Variants in VMA22 observed in about 807,000 individuals in gnomAD.
VMA22 encodes vacuolar ATPase assembly factor VMA22.
At chr2:130,342,142 C>T in the VMA22 span, 2 of 1,612,782 alleles carry the variant, frequency 1.2e-6, no homozygotes, top group African/African-American at 2.7e-5. Context: ...ACCTCCAGAT[C>T]TGGAGCCACC....
chr2:130,339,167 G>A, the VMA22 span: 33 of 1,614,114 alleles, frequency 2.0e-5, no homozygotes, highest in Admixed American at 1.5e-4. Context: ...TGGAGTCCCC[G>A]GAGCTGGCTT....
At chr2:130,341,517 T>A in the VMA22 span, 1 of 649,004 alleles carries the variant, frequency 1.5e-6, no homozygotes, top group Non-Finnish European at 2.7e-6. Flanking sequence ...CCTATAAAAG[T>A]CTAAGGCAAA....
At chr2:130,342,171 C>A in the VMA22 span, 1 of 1,603,764 alleles carries the variant, frequency 6.2e-7, no homozygotes. Flanking sequence ...TGTCACCCTC[C>A]GCAGTTTGGC....
At chr2:130,339,630 GTC>G in the VMA22 span, 1 of 1,305,222 alleles carries the variant, frequency 7.7e-7, no homozygotes, top group Admixed American at 2.3e-5. Flanking sequence ...TTTTGCTGAT[GTC>G]TCTGCTGGAA....
the VMA22 span, chr2:130,342,516 G>T: frequency 4.2e-6 from 2 of 473,186 alleles, no homozygotes; most frequent in Admixed American, 7.5e-5. Flanking sequence ...ATTTGGAAAG[G>T]AGCCGGCAAG....
chr2:130,339,655 A>G, the VMA22 span: 2 of 1,304,996 alleles, frequency 1.5e-6, no homozygotes, highest in Non-Finnish European at 2.0e-6. Flanking sequence ...GCTGCTGCCC[A>G]GTCCTCCGGG....
the VMA22 span, chr2:130,339,641 A>G: frequency 9.2e-6 from 12 of 1,305,104 alleles, no homozygotes; most frequent in Admixed American, 9.2e-5. Context: ...TCTCTGCTGG[A>G]ACAGCTGCTG....
chr2:130,338,964 C>A, the VMA22 span: 1 of 618,534 alleles, frequency 1.6e-6, no homozygotes. Context: ...AAACTTCACA[C>A]CTAAGGAAAA....
the VMA22 span, chr2:130,339,501 C>G: frequency 1.8e-5 from 24 of 1,337,940 alleles, no homozygotes; most frequent in Non-Finnish European, 2.2e-5. Context: ...GATAGTAATA[C>G]CATTTCATGC....
the VMA22 span, chr2:130,341,101 A>T: frequency 6.7e-7 from 1 of 1,491,248 alleles, no homozygotes; most frequent in Middle Eastern, 1.9e-4. Flanking sequence ...CATCTTGGTG[A>T]CAATGTTGAG....
the VMA22 span, chr2:130,342,119 C>T: frequency 1.1e-5 from 18 of 1,613,664 alleles, no homozygotes; most frequent in African/African-American, 2.7e-5. Context: ...AGGTCAAGCG[C>T]CGCCATGGAC....
At chr2:130,338,936 A>G in the VMA22 span, 3 of 588,962 alleles carry the variant, frequency 5.1e-6, no homozygotes, top group Admixed American at 3.0e-5. Context: ...GGCTTTCAAA[A>G]TTACTGTTTG....
chr2:130,341,903 G>A, the VMA22 span: 4 of 1,608,222 alleles, frequency 2.5e-6, no homozygotes, highest in Non-Finnish European at 3.4e-6. Flanking sequence ...CTACCGACTT[G>A]GCGCCCATCG....
the VMA22 span, chr2:130,340,941 T>TG: frequency 6.2e-7 from 1 of 1,614,082 alleles, no homozygotes; most frequent in Non-Finnish European, 8.5e-7. Flanking sequence ...TGACGTAGAC[T>TG]GTGAGGAACT....
chr2:130,339,236 G>T, the VMA22 span: 1 of 1,612,372 alleles, frequency 6.2e-7, no homozygotes, highest in Non-Finnish European at 8.5e-7. Context: ...TGCAGGCCTG[G>T]AGGAAAGGAG....
the VMA22 span, chr2:130,341,601 T>C: frequency 7.6e-7 from 1 of 1,318,834 alleles, no homozygotes; most frequent in Non-Finnish European, 1.1e-6. Context: ...ATTTAAATCA[T>C]CTCCATAATT....
the VMA22 span, chr2:130,341,905 C>A: frequency 6.2e-7 from 1 of 1,612,214 alleles, no homozygotes; most frequent in Non-Finnish European, 8.5e-7. Flanking sequence ...ACCGACTTGG[C>A]GCCCATCGCG....
the VMA22 span, chr2:130,341,064 G>A: frequency 2.6e-6 from 4 of 1,555,820 alleles, no homozygotes; most frequent in Non-Finnish European, 3.5e-6. Context: ...GTTGGAGGAG[G>A]CTGGGATCTT....
At chr2:130,339,713 T>C in the VMA22 span, 2 of 1,304,104 alleles carry the variant, frequency 1.5e-6, no homozygotes, top group African/African-American at 1.5e-5. Flanking sequence ...TGACCACACA[T>C]TGGATCACTC....
Sources: gnomAD v4.1 joint callset for allele counts on GRCh38, gnomAD v4.1.1 for gene constraint, MANE v1.5 for transcripts, NCBI Gene and HGNC (gene_info 2026-07-23, HGNC 2026-07-21) for gene names.